SATB2: variants seen among roughly 807,000 people sequenced by gnomAD.
The protein encoded by SATB2 is DNA-binding protein SATB2.
Under a neutral mutation model 73.4 loss-of-function variants are expected in SATB2, and 1 was observed. The observed-to-expected ratio is 0.01, with a 90% CI of 0.00 to 0.06. The LOEUF (loss-of-function observed/expected upper bound fraction) is 0.06. SATB2 is among the 10% of genes least tolerant of loss of function. The probability of loss-of-function intolerance (pLI) is 1.00; values close to 1 mark genes in which losing one functional copy is unlikely to be tolerated. For synonymous variants in SATB2, 397 were observed against 367.0 expected, an observed-to-expected ratio of 1.08 and a Z score of -0.93; for missense variants, 459 against 945.8, an observed-to-expected ratio of 0.49 and a Z score of 6.75.
intron 3 of SATB2, among the ~76,000 whole-genome samples, chr2:199,431,494 A>G (rs1559050919): frequency 6.6e-6 from 1 of 152,226 alleles, no homozygotes; most frequent in Non-Finnish European, 1.5e-5. Flanking sequence ...CCTTAAGAAT[A>G]TTGATTCAAC....
chr2:199,406,658 C>A (rs1690637313), intron 3 of SATB2, among the ~76,000 whole-genome samples: 1 of 152,022 alleles, frequency 6.6e-6, no homozygotes, highest in Non-Finnish European at 1.5e-5. Flanking sequence ...TTTTGAGAGA[C>A]ATGAAGCCAC....
rs1485054459 is a variant in SATB2 at position 199,463,151 on chromosome 2, C to G, written c.-141+1685G>C. On this transcript the variant is annotated intron_variant, in intron 1 of 11. Coordinates refer to the SATB2 transcript ENST00000260926. The surrounding 1 kb of genome is among the most constrained non-coding windows in gnomAD (Gnocchi z 6.4). ...CGGCCTGGAGCACCACCCTACCACA[C>G]CAGGCAACGCCCCCCGGGGCGCCCT... 1.3e-5 allele frequency among the ~76,000 whole-genome samples: 2 copies of G among 152,166 alleles called. No individual in the cohort carries two copies. Among genetic ancestry groups the G allele is most frequent in the African/African-American group, 2.4e-5 (1 of 41,456 alleles).
rs188561467 is a variant in SATB2, at chr2:199,421,089, G to A, written c.346+12249C>T. On this transcript the variant is annotated intron_variant, in intron 3 of 10. Transcript: ENST00000417098. The stretch of plus-strand genomic sequence containing the variant: ...CTGAGGATAGGCCTCAGTATGAGCC[G>A]CATGACTCCAGAAATACACTCAGAA... Among the ~76,000 whole-genome samples, 191 of 152,168 alleles carry A rather than the reference G, an allele frequency of 1.3e-3. 2 individuals are homozygous for A. The highest frequency in any genetic ancestry group is 5.3e-4 in the Non-Finnish European group (36 of 67,988).
chr2:199,390,894 A>G (rs1426444742), intron 3 of SATB2, among the ~76,000 whole-genome samples: 1 of 152,168 alleles, frequency 6.6e-6, no homozygotes, highest in Non-Finnish European at 1.5e-5. Context: ...CCTACAGTTT[A>G]CGGTTACATA....
At chr2:199,386,751 CACACACACACA>C in intron 3 of SATB2, among the ~76,000 whole-genome samples, 1 of 143,552 alleles carries the variant, frequency 7.0e-6, no homozygotes, top group South Asian at 2.1e-4. Context: ...CACACACACA[CACACACACACA>C]CACACCTTTG....
intron 3 of SATB2, among the ~76,000 whole-genome samples, chr2:199,415,141 G>A (rs1268163050): frequency 6.6e-6 from 1 of 152,178 alleles, no homozygotes; most frequent in African/African-American, 2.4e-5. Context: ...TTAAAATATA[G>A]GACCTGAAGC....
chr2:199,315,499 C>T (rs1687706513), intron 9 of SATB2, among the ~76,000 whole-genome samples: 1 of 151,894 alleles, frequency 6.6e-6, no homozygotes, highest in African/African-American at 2.4e-5. Flanking sequence ...AGGGGCACAC[C>T]ACAGATGAAA....
At chr2:199,349,194 T>C (rs1688742409) in intron 6 of SATB2, 21 bp from the exon 7 acceptor site, 6 of 1,525,428 alleles carry the variant, frequency 3.9e-6, no homozygotes, top group South Asian at 1.1e-5. Context: ...ATAAAAGTGA[T>C]AATTAATCAT....
chr2:199,409,263 G>A (rs925947631), intron 3 of SATB2, among the ~76,000 whole-genome samples: 8 of 143,964 alleles, frequency 5.6e-5, no homozygotes, highest in Non-Finnish European at 6.0e-5. Flanking sequence ...TCCGCCTCCC[G>A]GGTTCAAGCA....
chr2:199,385,372 G>A (rs140260334), intron 3 of SATB2, among the ~76,000 whole-genome samples: 2 of 152,174 alleles, frequency 1.3e-5, no homozygotes, highest in East Asian at 1.9e-4. Context: ...GGGCTCAAGC[G>A]ATCTATCTGC....
rs1409269922 is a variant in SATB2, at chr2:199,355,310, G to GTGTA, written c.701-6138_701-6137insTACA. Reference sequence around the variant, plus strand: ...TATGTGTATATATACAAGGATGTATGTATATACATATGTATGTGTGTGTGT... The same window carrying GTGTA: ...TATGTGTATATATACAAGGATGTATGTGTATATATACATATGTATGTGTGTGTGT... On this transcript the variant is annotated intron_variant, in intron 6 of 10. Transcript: ENST00000417098. 3.4e-4 allele frequency among the ~76,000 whole-genome samples: 47 copies of GTGTA among 138,840 alleles called. 6 individuals carry two copies. Among genetic ancestry groups the GTGTA allele is most frequent in the South Asian group, 9.0e-4 (4 of 4,450 alleles). The allele number at this position is 138,840 out of a possible 152,430, so 91.1% of individuals were successfully genotyped here.
chr2:199,405,791 A>T (rs971427116), intron 3 of SATB2, among the ~76,000 whole-genome samples: 2 of 152,104 alleles, frequency 1.3e-5, no homozygotes, highest in African/African-American at 4.8e-5. Flanking sequence ...TTAAAAGAAA[A>T]AAAAAAGAAA....
At chr2:199,314,798 T>A (rs1247307124) in intron 9 of SATB2, among the ~76,000 whole-genome samples, 1 of 151,990 alleles carries the variant, frequency 6.6e-6, no homozygotes, top group Non-Finnish European at 1.5e-5. Flanking sequence ...AAAAAAACAA[T>A]TTTTATCTTA....
intron 7 of SATB2, among the ~76,000 whole-genome samples, chr2:199,341,492 T>G (rs1156641560): frequency 6.6e-6 from 1 of 152,186 alleles, no homozygotes; most frequent in Non-Finnish European, 1.5e-5. Flanking sequence ...CATAAGGCCT[T>G]ACATCCAACG....
At chr2:199,458,703 A>C (rs1025819489), upstream of SATB2, 2 of 443,086 alleles carry the variant, frequency 4.5e-6, no homozygotes, top group Admixed American at 4.8e-5. Context: ...AGCTCTGTTA[A>C]CTGCGCGGAG....
At chr2:199,398,718 T>C (rs760925366) in intron 3 of SATB2, among the ~76,000 whole-genome samples, 2 of 152,216 alleles carry the variant, frequency 1.3e-5, no homozygotes, top group Non-Finnish European at 2.9e-5. Context: ...AAATGTAAAC[T>C]ACTATTATTG....
chr2:199,354,347 T>C (rs908580689), intron 6 of SATB2, among the ~76,000 whole-genome samples: 9 of 151,878 alleles, frequency 5.9e-5, no homozygotes, highest in Non-Finnish European at 1.3e-4. Context: ...CAGAGTGAGA[T>C]TCTGTCTCAA....
intron 10 of SATB2, among the ~76,000 whole-genome samples, chr2:199,287,590 G>T (rs867568710): frequency 6.6e-6 from 1 of 151,922 alleles, no homozygotes; most frequent in South Asian, 2.1e-4. Flanking sequence ...GTGTGGTGGG[G>T]GGGGAGATTA....
chr2:199,282,653 T>C (rs2105726194), intron 10 of SATB2, among the ~76,000 whole-genome samples: 1 of 152,316 alleles, frequency 6.6e-6, no homozygotes, highest in African/African-American at 2.4e-5. Flanking sequence ...AAGTAGGGTT[T>C]CAATTAGTAG....
Sources: gnomAD v4.1 joint callset for allele counts (sites outside exome capture counted in the v4.1 genomes callset) on GRCh38, gnomAD v4.1.1 for gene constraint, Gnocchi (gnomAD v3.1) non-coding constraint, MANE v1.5 for transcripts, NCBI Gene and HGNC (gene_info 2026-07-23, HGNC 2026-07-21) for gene names.